The following KCNQ4 variants were observed in gnomAD, a reference collection of about 807,000 sequenced individuals.
The protein encoded by KCNQ4 is potassium voltage-gated channel subfamily Q member 4.
A neutral mutation model predicts 72.6 loss-of-function variants in KCNQ4; 31 were observed. The observed-to-expected ratio is 0.43, with a 90% CI of 0.32 to 0.58. KCNQ4 has a LOEUF of 0.58. Ranked by LOEUF, KCNQ4 falls within the 20% of genes least tolerant of loss-of-function variation. KCNQ4 has a pLI of 0.08. For synonymous variants in KCNQ4, 405 were observed against 403.7 expected, an observed-to-expected ratio of 1.00 and a Z score of -0.04; for missense variants, 869 against 962.6, an observed-to-expected ratio of 0.90 and a Z score of 1.29.
chr1:40,822,511 G>C, intron 8 of KCNQ4, 109 bp downstream of exon 8: 1 of 854,750 alleles, frequency 1.2e-6, no homozygotes, highest in Admixed American at 2.0e-5. Context: ...ATGGCTCCCA[G>C]GGGAGCACCC....
intron 1 of KCNQ4, among the ~76,000 whole-genome samples, chr1:40,797,827 T>A (rs2148300687): frequency 6.6e-6 from 1 of 152,124 alleles, no homozygotes; most frequent in Admixed American, 6.5e-5. Context: ...TTATGCAAAC[T>A]CTGGCTTGGG....
chr1:40,824,434 G>A (rs1164058751), intron 9 of KCNQ4, among the ~76,000 whole-genome samples, 176 bp downstream of exon 9: 2 of 152,178 alleles, frequency 1.3e-5, no homozygotes, highest in African/African-American at 4.8e-5. Flanking sequence ...TCTCTGGAGG[G>A]GTCAGGCTGG....
intron 13 of KCNQ4, 140 bp downstream of exon 13, chr1:40,837,934 C>G: frequency 8.4e-7 from 1 of 1,190,172 alleles, no homozygotes; most frequent in Admixed American, 2.1e-5. Flanking sequence ...GGCCGAAGCC[C>G]CCGCCCTCGC....
intron 1 of KCNQ4, among the ~76,000 whole-genome samples, chr1:40,800,437 A>T (rs1406869769): frequency 6.6e-6 from 1 of 152,208 alleles, no homozygotes; most frequent in Non-Finnish European, 1.5e-5. Context: ...TGTTAACCTG[A>T]TTGAAACTTT....
At chr1:40,799,645 G>A (rs563505042) in intron 1 of KCNQ4, among the ~76,000 whole-genome samples, 16 of 152,184 alleles carry the variant, frequency 1.1e-4, no homozygotes, top group Non-Finnish European at 1.8e-4. Flanking sequence ...ACCAGGGACT[G>A]AGCACTCACC....
At chr1:40,802,421 G>T (rs1002460533) in intron 1 of KCNQ4, among the ~76,000 whole-genome samples, 1 of 152,002 alleles carries the variant, frequency 6.6e-6, no homozygotes, top group African/African-American at 2.4e-5. Context: ...AGGCCGCGGG[G>T]AGGTAATCGG....
At chr1:40,818,098 C>T in intron 2 of KCNQ4, 66 bp from the exon 3 acceptor site, 5 of 1,610,140 alleles carry the variant, frequency 3.1e-6, no homozygotes, top group Non-Finnish European at 3.4e-6. Context: ...TTGGCTGGGT[C>T]CGCGCTGTGA....
intron 7 of KCNQ4, 146 bp downstream of exon 7, chr1:40,820,406 T>G: frequency 2.7e-6 from 2 of 747,672 alleles, no homozygotes; most frequent in East Asian, 2.7e-5. Flanking sequence ...TGGAGCCACA[T>G]GCCAAGTCAC....
chr1:40,809,539 C>T (rs1647862928), intron 1 of KCNQ4, among the ~76,000 whole-genome samples: 1 of 152,218 alleles, frequency 6.6e-6, no homozygotes, highest in Admixed American at 6.5e-5. Flanking sequence ...GTTCTCCTTC[C>T]TAGTTCCCGT....
Position 40,822,387 on chromosome 1 carries a change from T to C in KCNQ4, c.1115T>C (p.Ile372Thr). The C allele has an allele frequency of 9.6e-7, 1 of 1,045,702 alleles. No homozygotes were observed. The highest frequency in any genetic ancestry group is 1.3e-6 in the Non-Finnish European group (1 of 754,062). The allele number at this position is 1,045,702 out of a possible 1,614,324, so 64.8% of individuals were successfully genotyped here. ...LTATWYYYDSILPSFRELALL... is the reference protein window; with the variant it reads ...LTATWYYYDSTLPSFRELALL... ...GCCACCTGGTACTACTATGACAGTA[T>C]CCTCCCATCCTTCAGGTAGGTCCTG... Residue 372 changes from isoleucine to threonine, a missense_variant, in exon 8 of 14, where the codon ATC becomes ACC. Ile to Thr is a moderately conservative substitution (Grantham distance 89, BLOSUM62 -1). Coordinates refer to ENST00000347132, the MANE Select transcript of KCNQ4 (RefSeq NM_004700.4).
intron 7 of KCNQ4, 35 bp downstream of exon 7, chr1:40,820,295 G>A (rs752660559): frequency 1.3e-6 from 2 of 1,540,182 alleles, no homozygotes; most frequent in Non-Finnish European, 1.8e-6. Context: ...CTAGGAGCAG[G>A]GCCGTGTGAC....
In KCNQ4 at chr1:40,819,620, C is replaced by A. The variant is rs35493687; in HGVS notation, c.834+148C>A. ...AGCTGGGACCCCCCTGAGACCAGCC[C>A]CAATGCTAACCCCCCAACCTGCTCT... is the stretch of plus-strand genomic sequence containing the variant. On this transcript the variant is annotated intron_variant, in intron 5 of 13. Transcript: ENST00000347132. 137,986 of 1,050,902 alleles carry A rather than the reference C, an allele frequency of 0.13. 9,823 individuals are homozygous for A. The highest frequency in any genetic ancestry group is 0.21 in the South Asian group (14,055 of 68,406). The allele number at this position is 1,050,902 out of a possible 1,614,324, so 65.1% of individuals were successfully genotyped here.
chr1:40,794,410 C>G lies in KCNQ4; in HGVS notation c.314+10003C>G, dbSNP rs1647350736. Among the ~76,000 whole-genome samples the G allele has an allele frequency of 6.6e-6, 1 of 152,206 alleles. No individual in the cohort carries two copies. The highest frequency in any genetic ancestry group is 6.5e-5 in the Admixed American group (1 of 15,284). The stretch of plus-strand genomic sequence containing the variant: ...TCCAGTACCCGCTAGGTAGCAGGCA[C>G]TATTATTGTTCCCATTTTGCAGACA... On this transcript the variant is annotated intron_variant, in intron 1 of 13. Coordinates refer to ENST00000347132, the MANE Select transcript of KCNQ4 (RefSeq NM_004700.4). This position sits in a 1 kb window ranked among gnomAD's most constrained non-coding sequence, Gnocchi z 4.2.
At chr1:40,802,760 C>A (rs1385635081) in intron 1 of KCNQ4, among the ~76,000 whole-genome samples, 2 of 152,184 alleles carry the variant, frequency 1.3e-5, no homozygotes, top group Admixed American at 1.3e-4. Context: ...CTACGTGAAC[C>A]CAAGCCTTTC....
chr1:40,798,431 G>A (rs1388339114), intron 1 of KCNQ4, among the ~76,000 whole-genome samples: 1 of 152,212 alleles, frequency 6.6e-6, no homozygotes, highest in Non-Finnish European at 1.5e-5. Context: ...CCACAAAGCC[G>A]TTTTAGGCAT....
At chr1:40,792,080 T>G (rs1647294490) in intron 1 of KCNQ4, among the ~76,000 whole-genome samples, 1 of 152,088 alleles carries the variant, frequency 6.6e-6, no homozygotes, top group Non-Finnish European at 1.5e-5. Flanking sequence ...CCCACTGGCT[T>G]TTGGGCAGTG....
intron 7 of KCNQ4, among the ~76,000 whole-genome samples, chr1:40,821,526 C>T (rs1648291398): frequency 6.6e-6 from 1 of 152,214 alleles, no homozygotes; most frequent in African/African-American, 2.4e-5. Context: ...TTTCATCCCT[C>T]CTGCTGCAGA....
intron 1 of KCNQ4, among the ~76,000 whole-genome samples, chr1:40,801,891 C>T (rs1382959500): frequency 6.6e-6 from 1 of 152,068 alleles, no homozygotes. Flanking sequence ...TTGCAAGGAC[C>T]CGACTTTGAT....
intron 9 of KCNQ4, among the ~76,000 whole-genome samples, chr1:40,830,656 G>T (rs1321772332): frequency 6.6e-6 from 1 of 152,122 alleles, no homozygotes; most frequent in Non-Finnish European, 1.5e-5. Context: ...ACCTCCGTGT[G>T]CATGGCCAGG....
Sources: allele counts gnomAD v4.1 joint callset (sites outside exome capture counted in the v4.1 genomes callset), GRCh38; gene constraint gnomAD v4.1.1; non-coding constraint Gnocchi (gnomAD v3.1); transcripts MANE v1.5; gene names NCBI Gene and HGNC (gene_info 2026-07-23, HGNC 2026-07-21).